The following PTPRT variants were observed in gnomAD, a reference collection of about 807,000 sequenced individuals.
PTPRT encodes protein tyrosine phosphatase receptor type T, also known as receptor-type tyrosine-protein phosphatase T.
PTPRT carries 56 observed loss-of-function variants against 176.8 expected under a neutral mutation model. The ratio of observed to expected loss-of-function variants is 0.32; its 90% CI spans 0.26 to 0.40. PTPRT has a LOEUF of 0.40. PTPRT is among the 10% of genes least tolerant of loss of function. The pLI is 1.00. For missense variants in PTPRT, 1,540 were observed against 1,908.2 expected (o/e 0.81, Z 3.60); for synonymous variants, 783 against 739.0 (o/e 1.06, Z -0.96).
chr20:42,166,748 A>T (rs1365579649), intron 16 of PTPRT, among the ~76,000 whole-genome samples: 1 of 152,094 alleles, frequency 6.6e-6, no homozygotes, highest in Non-Finnish European at 1.5e-5. Flanking sequence ...GTGAAACCCC[A>T]TCTCTACTAA....
Position 42,074,148 on chromosome 20 carries a change from T to A in PTPRT, c.*6731A>T. The A allele has an allele frequency of 4.4e-6, 1 of 228,150 alleles. No homozygotes were observed. The highest frequency in any genetic ancestry group is 8.7e-6 in the Non-Finnish European group (1 of 114,828). 14.1% of individuals were successfully genotyped at this position (228,150 alleles called of 1,614,324 possible). On this transcript the variant is annotated 3_prime_UTR_variant, in exon 31 of 31. Coordinates refer to ENST00000373187, the MANE Select transcript of PTPRT (RefSeq NM_007050.6). ...TACATGGAATGACACCACTCTGCCC[T>A]CTAAGCCTCCAGACTGCCCTGGGGC...
At chr20:42,157,260 C>A (rs552821255) in intron 17 of PTPRT, among the ~76,000 whole-genome samples, 53 of 152,242 alleles carry the variant, frequency 3.5e-4, no homozygotes, top group African/African-American at 1.2e-3. Flanking sequence ...ACTTCATGTC[C>A]CTGGAACAAA....
At chr20:43,042,104 G>A (rs181822004) in intron 1 of PTPRT, among the ~76,000 whole-genome samples, 1 of 152,308 alleles carries the variant, frequency 6.6e-6, no homozygotes, top group Admixed American at 6.5e-5. Flanking sequence ...TGTGGTGATG[G>A]TTAGATGGAA....
At chr20:42,626,652 T>C (rs2074295411) in intron 7 of PTPRT, among the ~76,000 whole-genome samples, 1 of 152,184 alleles carries the variant, frequency 6.6e-6, no homozygotes, top group Non-Finnish European at 1.5e-5. Context: ...AGAGAGGACC[T>C]ACATTCACAG....
chr20:42,555,923 T>C (rs2072853417), intron 7 of PTPRT, among the ~76,000 whole-genome samples: 1 of 152,186 alleles, frequency 6.6e-6, no homozygotes, highest in South Asian at 2.1e-4. Context: ...GTTTGTCATG[T>C]AAGCCAATGA....
chr20:42,911,894 G>A (rs1376371311), intron 1 of PTPRT, among the ~76,000 whole-genome samples: 1 of 149,152 alleles, frequency 6.7e-6, no homozygotes, highest in Non-Finnish European at 1.5e-5. Context: ...TATTTTCCTA[G>A]TTTACTAAAT....
the PTPRT span, among the ~76,000 whole-genome samples, chr20:42,032,906 T>C: frequency 6.6e-6 from 1 of 152,178 alleles, no homozygotes; most frequent in African/African-American, 2.4e-5. Context: ...TGAACAACCA[T>C]ATGAATGAGC....
chr20:42,581,191 G>T (rs548174129), intron 7 of PTPRT, among the ~76,000 whole-genome samples: 2 of 151,986 alleles, frequency 1.3e-5, no homozygotes, highest in Non-Finnish European at 2.9e-5. Context: ...TGATCCACGC[G>T]ACTAAATCTC....
chr20:42,778,794 T>C (rs926299475), intron 4 of PTPRT, among the ~76,000 whole-genome samples: 2 of 152,204 alleles, frequency 1.3e-5, no homozygotes, highest in Admixed American at 6.5e-5. Flanking sequence ...AAACCCTGCA[T>C]AGCTGGGGGG....
chr20:42,622,720 T>A lies in PTPRT; in HGVS notation c.1153+55146A>T, dbSNP rs2074221338. ...AAAAACAAGATTAGAAACAGAAAAG[T>A]TCATGGCTTCAAAATGCATGTTAGC... On this transcript the variant is annotated intron_variant, in intron 7 of 30. Transcript: ENST00000373187. Among the ~76,000 whole-genome samples, 2 of 152,136 alleles carry A rather than the reference T, an allele frequency of 1.3e-5. 1 individual carries two copies. Among genetic ancestry groups the A allele is most frequent in the South Asian group, 4.1e-4 (2 of 4,830 alleles).
chr20:42,792,050 T>C (rs1185984788), intron 2 of PTPRT, among the ~76,000 whole-genome samples: 3 of 152,192 alleles, frequency 2.0e-5, no homozygotes, highest in Non-Finnish European at 2.9e-5. Context: ...GGGCTTGCCG[T>C]CTTGCACTAC....
chr20:42,488,972 G>A (rs2071511280), intron 7 of PTPRT, among the ~76,000 whole-genome samples: 1 of 149,352 alleles, frequency 6.7e-6, no homozygotes, highest in Non-Finnish European at 1.5e-5. Context: ...AAGAAAGAGA[G>A]AAAGAAATAT....
chr20:42,481,594 A>G lies in PTPRT; in HGVS notation c.1154-9032T>C, dbSNP rs62204938. 7.8e-3 allele frequency among the ~76,000 whole-genome samples: 1,188 copies of G among 152,200 alleles called. 11 individuals carry two copies. Among genetic ancestry groups the G allele is most frequent in the Middle Eastern group, 0.014 (4 of 294 alleles). ...AAGATATGGTATCAGAATAGTTGGG[A>G]AAATAGGCGTGTACTCATCACATCT... On this transcript the variant is annotated intron_variant, in intron 7 of 30. Coordinates refer to ENST00000373187, the MANE Select transcript of PTPRT (RefSeq NM_007050.6).
At chr20:42,329,432 G>C (rs1175374189) in intron 11 of PTPRT, among the ~76,000 whole-genome samples, 1 of 151,544 alleles carries the variant, frequency 6.6e-6, no homozygotes, top group Non-Finnish European at 1.5e-5. Flanking sequence ...GACCAACAGA[G>C]AGGCAGATCT....
At chr20:43,069,788 A>T (rs2011156682) in intron 1 of PTPRT, among the ~76,000 whole-genome samples, 1 of 152,204 alleles carries the variant, frequency 6.6e-6, no homozygotes, top group Non-Finnish European at 1.5e-5. Context: ...TGGGAGCCGT[A>T]CTAATGGGTT....
chr20:42,888,685 A>C, intron 1 of PTPRT, among the ~76,000 whole-genome samples: 1 of 152,218 alleles, frequency 6.6e-6, no homozygotes, highest in East Asian at 1.9e-4. Flanking sequence ...GGGGCCAGGC[A>C]GATAAAGAAC....
At chr20:42,152,817 G>C (rs570572122) in intron 17 of PTPRT, among the ~76,000 whole-genome samples, 1 of 152,320 alleles carries the variant, frequency 6.6e-6, no homozygotes, top group African/African-American at 2.4e-5. Flanking sequence ...CAGGGGCCAT[G>C]ATCATAACCT....
At chr20:42,922,645 G>A (rs138272062) in intron 1 of PTPRT, among the ~76,000 whole-genome samples, 132 of 152,006 alleles carry the variant, frequency 8.7e-4, no homozygotes, top group African/African-American at 2.8e-3. Flanking sequence ...AATTCTCTTC[G>A]TTACACACTT....
chr20:42,209,964 T>G (rs2055579486), intron 15 of PTPRT, among the ~76,000 whole-genome samples: 1 of 152,292 alleles, frequency 6.6e-6, no homozygotes, highest in African/African-American at 2.4e-5. Flanking sequence ...CAAGTGGGCT[T>G]CCTCCCTGGG....
Sources: allele counts gnomAD v4.1 joint callset (sites outside exome capture counted in the v4.1 genomes callset), GRCh38; gene constraint gnomAD v4.1.1; transcripts MANE v1.5; gene names NCBI Gene and HGNC (gene_info 2026-07-23, HGNC 2026-07-21).